Variants in PPP1R21 observed in about 807,000 individuals in gnomAD.
PPP1R21 encodes the protein protein phosphatase 1 regulatory subunit 21.
PPP1R21 carries 85 observed loss-of-function variants against 112.8 expected under a neutral mutation model. The ratio of observed to expected loss-of-function variants is 0.75; its 90% CI spans 0.63 to 0.90. The LOEUF is 0.90. PPP1R21 is among the 40% of genes least tolerant of loss of function. The probability of loss-of-function intolerance (pLI) is 0.00; values close to 1 mark genes in which losing one functional copy is unlikely to be tolerated. For missense variants in PPP1R21, 1,199 were observed against 901.5 expected, an observed-to-expected ratio of 1.33 and a Z score of -4.23; for synonymous variants, 381 against 322.3, an observed-to-expected ratio of 1.18 and a Z score of -1.95.
chr2:48,458,191 A>G lies in PPP1R21; in HGVS notation c.339A>G (p.Gln113=), dbSNP rs1172767218. The G allele has an allele frequency of 3.1e-6, 5 of 1,612,256 alleles. No homozygotes were observed. In the African/African-American group the frequency reaches 4.0e-5, roughly 13 times the overall value. ...AGAGTGTCTTTGATGAAGATCTGCA[A>G]AAGAAGATAGAAGAGAATGAACGGT... The part of the protein sequence containing the change: ...EQKSVFDEDL[Q]KKIEENERLH... Residue 113 remains glutamine, a synonymous_variant, in exon 4 of 22, where the codon CAA becomes CAG. Transcript: ENST00000294952.
intron 7 of PPP1R21, among the ~76,000 whole-genome samples, chr2:48,464,576 G>T (rs771727824): frequency 1.3e-5 from 2 of 152,150 alleles, no homozygotes; most frequent in African/African-American, 4.8e-5. Flanking sequence ...TTGCTGATTA[G>T]CGTGGCGGCT....
At chr2:48,466,197 C>G (rs954454910) in intron 9 of PPP1R21, among the ~76,000 whole-genome samples, 2 of 151,850 alleles carry the variant, frequency 1.3e-5, no homozygotes, top group Admixed American at 1.3e-4. Context: ...AGAACCAAAC[C>G]ATATCAGGGA....
intron 19 of PPP1R21, 68 bp downstream of exon 19, chr2:48,507,453 G>A: frequency 6.4e-7 from 1 of 1,555,536 alleles, no homozygotes; most frequent in South Asian, 1.2e-5. Context: ...ACACTGTCCT[G>A]TTTTCATGCT....
chr2:48,466,158 G>A (rs1299896491), intron 9 of PPP1R21, among the ~76,000 whole-genome samples: 1 of 152,028 alleles, frequency 6.6e-6, no homozygotes, highest in Non-Finnish European at 1.5e-5. Context: ...AACTGTGGGA[G>A]CTAGAAGATG....
At chr2:48,471,999 G>A (rs149923481) in intron 11 of PPP1R21, among the ~76,000 whole-genome samples, 2,486 of 152,026 alleles carry the variant, frequency 0.016, 66 homozygotes, top group African/African-American at 0.055. Flanking sequence ...CAGCACTTTG[G>A]GAGGCTGAGG....
chr2:48,471,378 C>G lies in PPP1R21; in HGVS notation c.1088+11C>G. 6.3e-7 allele frequency: 1 copy of G among 1,596,834 alleles called. No individual in the cohort carries two copies. Among genetic ancestry groups the G allele is most frequent in the Non-Finnish European group, 8.5e-7 (1 of 1,174,236 alleles). ...CTATCAGTTAAAAAGGTAGTTACCCCCGGAGGCCAGGGAACTTGGGGAATT... is the reference window on the plus strand; with the variant it reads ...CTATCAGTTAAAAAGGTAGTTACCCGCGGAGGCCAGGGAACTTGGGGAATT... On this transcript the variant is annotated intron_variant, in intron 11 of 21. Coordinates refer to ENST00000294952, the MANE Select transcript of PPP1R21 (RefSeq NM_001135629.3).
intron 12 of PPP1R21, among the ~76,000 whole-genome samples, chr2:48,478,533 G>A (rs1421591373): frequency 6.6e-6 from 1 of 152,192 alleles, no homozygotes; most frequent in African/African-American, 2.4e-5. Flanking sequence ...TCTGCTGATT[G>A]CTGATTGATT....
chr2:48,463,988 G>C (rs1207602440), intron 7 of PPP1R21, among the ~76,000 whole-genome samples: 2 of 152,064 alleles, frequency 1.3e-5, no homozygotes, highest in Non-Finnish European at 2.9e-5. Flanking sequence ...AAATAAAATA[G>C]GCACACGGCA....
intron 2 of PPP1R21, among the ~76,000 whole-genome samples, chr2:48,451,838 G>C (rs1337312194): frequency 2.6e-5 from 4 of 152,014 alleles, no homozygotes; most frequent in African/African-American, 9.7e-5. Context: ...TCTCTTTTTG[G>C]ATAAGCCCCT....
intron 7 of PPP1R21, among the ~76,000 whole-genome samples, chr2:48,461,817 G>A (rs1032318035): frequency 3.3e-5 from 5 of 151,994 alleles, no homozygotes; most frequent in Non-Finnish European, 5.9e-5. Flanking sequence ...TTGCTTGTTT[G>A]GATTTTGAAA....
At chr2:48,482,322 T>G (rs1156904077) in intron 13 of PPP1R21, among the ~76,000 whole-genome samples, 1 of 152,020 alleles carries the variant, frequency 6.6e-6, no homozygotes, top group African/African-American at 2.4e-5. Context: ...TGGTATAGGG[T>G]GATTTATTGG....
intron 18 of PPP1R21, among the ~76,000 whole-genome samples, chr2:48,505,897 C>T (rs1670351829): frequency 6.6e-6 from 1 of 152,126 alleles, no homozygotes; most frequent in Non-Finnish European, 1.5e-5. Context: ...TGGCATACTA[C>T]ATGAGGCTGA....
intron 1 of PPP1R21, among the ~76,000 whole-genome samples, chr2:48,450,668 A>G (rs963414979): frequency 1.3e-5 from 2 of 152,210 alleles, no homozygotes; most frequent in South Asian, 2.1e-4. Flanking sequence ...ATTCAGTACC[A>G]TATTATTTAT....
At chr2:48,470,379 G>A (rs1352161667) in intron 9 of PPP1R21, among the ~76,000 whole-genome samples, 2 of 152,010 alleles carry the variant, frequency 1.3e-5, no homozygotes, top group South Asian at 2.1e-4. Context: ...TTAGCTGGGC[G>A]TAGTGGTGAG....
chr2:48,459,968 T>G (rs760778180), intron 5 of PPP1R21, 50 bp downstream of exon 5: 2 of 1,593,900 alleles, frequency 1.3e-6, no homozygotes, highest in East Asian at 2.3e-5. Flanking sequence ...GCTTTTGTAT[T>G]AATAAATTGT....
intron 14 of PPP1R21, among the ~76,000 whole-genome samples, chr2:48,487,146 T>G (rs2103922951): frequency 6.6e-6 from 1 of 152,290 alleles, no homozygotes; most frequent in East Asian, 1.9e-4. Flanking sequence ...GATTAGAAGA[T>G]TCTAGGTAGT....
At chr2:48,505,693 T>G (rs1361547810) in intron 18 of PPP1R21, 97 bp downstream of exon 18, 2 of 1,079,712 alleles carry the variant, frequency 1.9e-6, no homozygotes, top group Non-Finnish European at 2.8e-6. Flanking sequence ...TAATTGTTGT[T>G]GTTGTTTTTT....
intron 15 of PPP1R21, among the ~76,000 whole-genome samples, chr2:48,491,560 GA>G (rs1233494731): frequency 3.3e-4 from 3 of 9,170 alleles, no homozygotes; most frequent in African/African-American, 1.1e-3. Context: ...AAAAAAAAAA[GA>G]GAGAAGATAC....
At chr2:48,454,418 A>G (rs1667620724) in intron 2 of PPP1R21, 177 bp from the exon 3 acceptor site, 2 of 683,750 alleles carry the variant, frequency 2.9e-6, no homozygotes, top group African/African-American at 3.6e-5. Context: ...TTTAGCCAAA[A>G]GATTATCTTT....
Sources: gnomAD v4.1 joint callset for allele counts (sites outside exome capture counted in the v4.1 genomes callset) on GRCh38, gnomAD v4.1.1 for gene constraint, MANE v1.5 for transcripts, NCBI Gene and HGNC (gene_info 2026-07-23, HGNC 2026-07-21) for gene names.